Variants in RIMBP2 observed in about 807,000 individuals in gnomAD.
RIMBP2 encodes RIMS binding protein 2.
RIMBP2 carries 48 observed loss-of-function variants against 118.6 expected under a neutral mutation model. That is an observed-to-expected ratio of 0.40 (90% CI 0.32 to 0.51). The LOEUF (loss-of-function observed/expected upper bound fraction) is 0.51, where lower values mean the gene tolerates loss of function less well. RIMBP2 is among the 20% of genes least tolerant of loss of function. The pLI, the probability that RIMBP2 is intolerant of heterozygous loss-of-function variation, is 0.41. For missense variants in RIMBP2, 1,551 were observed against 1,768.3 expected, an observed-to-expected ratio of 0.88 and a Z score of 2.20; for synonymous variants, 762 against 742.9, an observed-to-expected ratio of 1.03 and a Z score of -0.42.
chr12:130,474,929 G>A (rs991431711), intron 5 of RIMBP2, among the ~76,000 whole-genome samples: 2 of 152,190 alleles, frequency 1.3e-5, no homozygotes, highest in African/African-American at 2.4e-5. Flanking sequence ...GACATGAGAC[G>A]CTCCGTAAAC....
chr12:130,712,324 A>C (rs549038080), intron 1 of RIMBP2, among the ~76,000 whole-genome samples: 2 of 152,322 alleles, frequency 1.3e-5, no homozygotes, highest in South Asian at 4.1e-4. Context: ...TAAAACACAC[A>C]TTGTACAGCT....
At chr12:130,480,097 G>A (rs1288474814) in intron 4 of RIMBP2, among the ~76,000 whole-genome samples, 1 of 151,836 alleles carries the variant, frequency 6.6e-6, no homozygotes, top group African/African-American at 2.4e-5. Flanking sequence ...TAGTCACACT[G>A]GGAACAGTCA....
intron 6 of RIMBP2, among the ~76,000 whole-genome samples, chr12:130,459,131 C>G (rs1408656721): frequency 4.0e-5 from 6 of 151,218 alleles, no homozygotes; most frequent in African/African-American, 1.2e-4. Context: ...AAGAACAGAT[C>G]AGCGGTTGTC....
intron 17 of RIMBP2, among the ~76,000 whole-genome samples, chr12:130,421,470 A>T (rs1405854617): frequency 6.6e-6 from 1 of 152,254 alleles, no homozygotes; most frequent in Non-Finnish European, 1.5e-5. Context: ...GGCAGGACAC[A>T]ATTTCAAAGA....
intron 2 of RIMBP2, among the ~76,000 whole-genome samples, chr12:130,575,629 T>C (rs896490213): frequency 2.6e-5 from 4 of 152,304 alleles, no homozygotes; most frequent in African/African-American, 9.6e-5. Flanking sequence ...CAAAGCTTTG[T>C]TCTCCTCGTC....
intron 1 of RIMBP2, among the ~76,000 whole-genome samples, chr12:130,653,478 A>G (rs2063308570): frequency 6.6e-6 from 1 of 152,160 alleles, no homozygotes; most frequent in Non-Finnish European, 1.5e-5. Context: ...CACAGGTTAG[A>G]GTTAAGTGCC....
chr12:130,572,898 A>G (rs899412807), intron 2 of RIMBP2, among the ~76,000 whole-genome samples: 1 of 152,176 alleles, frequency 6.6e-6, no homozygotes, highest in African/African-American at 2.4e-5. Context: ...GAGCAGGGTC[A>G]GGAGGGCTGT....
chr12:130,555,885 A>G (rs962321269), intron 2 of RIMBP2, among the ~76,000 whole-genome samples: 1 of 152,330 alleles, frequency 6.6e-6, no homozygotes, highest in East Asian at 1.9e-4. Context: ...TAATCATGAA[A>G]GGCAGCCGTG....
rs1291313651 is a variant in RIMBP2 at position 130,576,444 on chromosome 12, C to T, written c.-217+51878G>A. Among the ~76,000 whole-genome samples the T allele has an allele frequency of 2.6e-5, 4 of 152,102 alleles. No individual in the cohort carries two copies. Among genetic ancestry groups the T allele is most frequent in the African/African-American group, 9.7e-5 (4 of 41,428 alleles). Reference sequence around the variant, plus strand: ...TACCCGTGGGCAGCTGGCAGGTGGCCAGCTGCATGCCGGCATCCAAGCTGT... The same window carrying T: ...TACCCGTGGGCAGCTGGCAGGTGGCTAGCTGCATGCCGGCATCCAAGCTGT... On this transcript the variant is annotated intron_variant, in intron 2 of 22. Coordinates refer to ENST00000690449, the MANE Select transcript of RIMBP2 (RefSeq NM_001393629.1). The surrounding 1 kb of genome is among the most constrained non-coding windows in gnomAD (Gnocchi z 4.2).
At position 130,686,153 on chromosome 12, in the gene RIMBP2, G is replaced by A. The variant is rs553236407; in HGVS notation, c.-352+30069C>T. On this transcript the variant is annotated intron_variant, in intron 1 of 22. Transcript: ENST00000690449. Reference sequence around the variant, plus strand: ...CCTGGCCCTGGAGACTGGCAGTCACGGCCAGAGCCCTCCCCACATTCCCGT... The same window carrying A: ...CCTGGCCCTGGAGACTGGCAGTCACAGCCAGAGCCCTCCCCACATTCCCGT... 2.0e-5 allele frequency among the ~76,000 whole-genome samples: 3 copies of A among 152,288 alleles called. No individual in the cohort carries two copies. The East Asian group carries it at 5.8e-4, about 29-fold the overall frequency.
Position 130,407,739 on chromosome 12 carries a change from T to C in RIMBP2, c.3680A>G (p.Asn1227Ser). 6.2e-7 allele frequency: 1 copy of C among 1,613,914 alleles called. No homozygotes were observed. The highest frequency in any genetic ancestry group is 1.1e-5 in the South Asian group (1 of 91,056). ...TTTGGCTGGTACCTCGACATCGACG[T>C]TGGGCGAGCTTTCTCTGGGGTCGTA... Reference protein sequence around the residue: ...YDYDPRESSPNVDVEAELTFC... With the variant: ...YDYDPRESSPSVDVEAELTFC... Residue 1227 changes from asparagine (N) to serine (S), a missense_variant, in exon 20 of 23, where the codon AAC becomes AGC. Asn to Ser is a conservative substitution (Grantham distance 46). Around this residue, in one of 5 missense-constraint regions of RIMBP2, gnomAD observed 1,038 missense variants for 1,125.1 expected, o/e 0.92. Transcript: ENST00000690449.
At chr12:130,479,636 G>A (rs2081779319) in intron 4 of RIMBP2, among the ~76,000 whole-genome samples, 1 of 140,038 alleles carries the variant, frequency 7.1e-6, no homozygotes, top group Non-Finnish European at 1.5e-5. Flanking sequence ...CACCCTCCCG[G>A]GAGCTTCCCG....
At chr12:130,466,489 A>C (rs1017812840) in intron 6 of RIMBP2, among the ~76,000 whole-genome samples, 2 of 152,240 alleles carry the variant, frequency 1.3e-5, no homozygotes, top group African/African-American at 4.8e-5. Context: ...CAGGGCCCAG[A>C]AGTGTCCATG....
intron 1 of RIMBP2, among the ~76,000 whole-genome samples, chr12:130,650,154 C>T (rs2063169883): frequency 6.6e-6 from 1 of 152,146 alleles, no homozygotes; most frequent in African/African-American, 2.4e-5. Flanking sequence ...GCTGCCTTGC[C>T]CCCAGCACCA....
intron 2 of RIMBP2, among the ~76,000 whole-genome samples, chr12:130,535,264 C>G (rs919546133): frequency 6.6e-6 from 1 of 151,874 alleles, no homozygotes; most frequent in Non-Finnish European, 1.5e-5. Context: ...TTTGGGAGTC[C>G]GAGATGGGAG....
At chr12:130,495,814 G>A (rs1451027604) in intron 4 of RIMBP2, among the ~76,000 whole-genome samples, 2 of 152,156 alleles carry the variant, frequency 1.3e-5, no homozygotes, top group Non-Finnish European at 2.9e-5. Flanking sequence ...CATCTAGAAA[G>A]GTACTTTATG....
chr12:130,504,053 G>T (rs1470412407), intron 4 of RIMBP2, among the ~76,000 whole-genome samples: 2 of 152,290 alleles, frequency 1.3e-5, no homozygotes, highest in African/African-American at 4.8e-5. Flanking sequence ...GAGCAGGGGG[G>T]GGTGTCTAGT....
Position 130,433,155 on chromosome 12 carries a change from A to G in RIMBP2, c.2253+1579T>C, listed in dbSNP as rs1437174287. 2.0e-5 allele frequency among the ~76,000 whole-genome samples: 3 copies of G among 151,778 alleles called. No individual in the cohort carries two copies. In the East Asian group the frequency reaches 5.8e-4, roughly 29 times the overall value. Reference sequence around the variant, plus strand: ...TGGGCAGAGGACCGGCCTTACACACACTCTTTTCTGATAAGCGACTGTAGA... The same window carrying G: ...TGGGCAGAGGACCGGCCTTACACACGCTCTTTTCTGATAAGCGACTGTAGA... On this transcript the variant is annotated intron_variant, in intron 14 of 22. Transcript: ENST00000690449.
At chr12:130,558,532 G>A (rs898578819) in intron 2 of RIMBP2, among the ~76,000 whole-genome samples, 19 of 152,098 alleles carry the variant, frequency 1.2e-4, no homozygotes, top group Non-Finnish European at 1.3e-4. Flanking sequence ...GTCAGCAGCC[G>A]TGCAGCTCAG....
Sources: gnomAD v4.1 joint callset for allele counts (sites outside exome capture counted in the v4.1 genomes callset) on GRCh38, gnomAD v4.1.1 for gene constraint, gnomAD v4.1.1 regional missense constraint, Gnocchi (gnomAD v3.1) non-coding constraint, MANE v1.5 for transcripts, NCBI Gene and HGNC (gene_info 2026-07-23, HGNC 2026-07-21) for gene names.